Variants in UNC13B observed in about 807,000 individuals in gnomAD.
UNC13B encodes the protein protein unc-13 homolog B.
Under a neutral mutation model 211.0 loss-of-function variants are expected in UNC13B, and 144 were observed. That is an observed-to-expected ratio of 0.68 (90% CI 0.60 to 0.78). The LOEUF (loss-of-function observed/expected upper bound fraction) is 0.78. Ranked by LOEUF, UNC13B falls within the 30% of genes least tolerant of loss-of-function variation. The pLI is 0.00. For synonymous variants in UNC13B, 709 were observed against 725.8 expected (o/e 0.98, Z 0.37); for missense variants, 1,777 against 2,002.0 (o/e 0.89, Z 2.14).
intron 1 of UNC13B, among the ~76,000 whole-genome samples, chr9:35,178,820 G>A (rs999837425): frequency 2.0e-5 from 3 of 149,866 alleles, no homozygotes; most frequent in Non-Finnish European, 3.0e-5. Flanking sequence ...CTTGGGAGGC[G>A]GAGGTTGCAG....
Position 35,310,530 on chromosome 9 carries a change from T to C in UNC13B, c.9072T>C (p.Ser3024=), listed in dbSNP as rs1445854429. Residue 3024 remains serine (S), a synonymous_variant, in exon 10 of 40, where the codon AGT becomes AGC. Coordinates refer to ENST00000635942, the MANE Select transcript of UNC13B (RefSeq NM_001371189.2). ...TGAGTCAAGGAAGCTCTCAGCTAAG[T>C]GAACTAGACCAGTATCACGAACAAG... The part of the protein sequence containing the change: ...CNVSQGSSQL[S]ELDQYHEQDD... 1 of 1,613,986 alleles carries C rather than the reference T, an allele frequency of 6.2e-7. No individual in the cohort carries two copies. The highest frequency in any genetic ancestry group is 2.2e-5 in the East Asian group (1 of 44,888).
intron 9 of UNC13B, among the ~76,000 whole-genome samples, chr9:35,309,261 G>A (rs1234820693): frequency 2.5e-5 from 3 of 119,076 alleles, no homozygotes; most frequent in Non-Finnish European, 5.5e-5. Context: ...GTGTGTGTGT[G>A]TGTATACTTA....
chr9:35,293,954 A>G (rs1016712009), intron 7 of UNC13B, among the ~76,000 whole-genome samples: 3 of 152,164 alleles, frequency 2.0e-5, no homozygotes, highest in African/African-American at 4.8e-5. Context: ...AAACTCAAAT[A>G]GGAAAAGCTC....
At chr9:35,252,862 G>A (rs1332289021) in intron 6 of UNC13B, among the ~76,000 whole-genome samples, 3 of 151,906 alleles carry the variant, frequency 2.0e-5, no homozygotes, top group East Asian at 2.0e-4. Flanking sequence ...CCCAGGAGGC[G>A]GAGCTTGCAG....
At chr9:35,295,602 G>T (rs1829312564) in intron 7 of UNC13B, 94 bp from the exon 8 acceptor site, 2 of 1,224,220 alleles carry the variant, frequency 1.6e-6, no homozygotes, top group East Asian at 4.7e-5. Flanking sequence ...TTGTTCTCAA[G>T]GTCCAGACTT....
intron 22 of UNC13B, chr9:35,385,391 GA>G (rs1325987253): frequency 2.0e-6 from 2 of 985,268 alleles, no homozygotes; most frequent in African/African-American, 3.5e-5. Flanking sequence ...TGGTGTGTAA[GA>G]ATCTTCATCC....
chr9:35,241,056 C>CAAAAAAA (rs10629111), intron 5 of UNC13B, among the ~76,000 whole-genome samples: 13 of 133,182 alleles, frequency 9.8e-5, no homozygotes, highest in African/African-American at 3.1e-4. Context: ...GACTCTGTCT[C>CAAAAAAA]AAAAAAAAAA....
intron 11 of UNC13B, among the ~76,000 whole-genome samples, chr9:35,366,212 A>C (rs1393743962): frequency 6.6e-6 from 1 of 152,238 alleles, no homozygotes; most frequent in Non-Finnish European, 1.5e-5. Flanking sequence ...ACCTTTCTGC[A>C]TGCTGCTTGA....
intron 1 of UNC13B, among the ~76,000 whole-genome samples, chr9:35,199,291 T>G (rs1451644570): frequency 6.6e-6 from 1 of 152,194 alleles, no homozygotes; most frequent in Non-Finnish European, 1.5e-5. Context: ...TGAATAGTGC[T>G]GCAATAAACA....
intron 22 of UNC13B, chr9:35,385,150 C>G: frequency 1.0e-6 from 1 of 985,404 alleles, no homozygotes; most frequent in South Asian, 4.7e-5. Flanking sequence ...CAGCTCCCTC[C>G]TAAGACTCGT....
rs1177018436 is a variant in UNC13B, at chr9:35,301,195, A to G, written c.1791A>G (p.Gln597=). 9 of 398,812 alleles carry G rather than the reference A, an allele frequency of 2.3e-5. No individual in the cohort carries two copies. Among genetic ancestry groups the G allele is most frequent in the South Asian group, 1.3e-4 (1 of 7,854 alleles). 24.7% of individuals were successfully genotyped at this position (398,812 alleles called of 1,614,324 possible). A position where few individuals can be genotyped will look rare whatever the true frequency, so the allele number is the denominator to read the frequency against. ...TATTGGGGAAGGATCTTTCCATGCAATCTCCATTATCCTCTCAAAAAGATG... is the reference window on the plus strand; with the variant it reads ...TATTGGGGAAGGATCTTTCCATGCAGTCTCCATTATCCTCTCAAAAAGATG... The part of the protein sequence containing the change: ...MAVLGKDLSM[Q]SPLSSQKDDN... Residue 597 remains glutamine (Q), a synonymous_variant, in exon 9 of 40, where the codon CAA becomes CAG. Transcript: ENST00000635942.
intron 1 of UNC13B, among the ~76,000 whole-genome samples, chr9:35,177,685 T>C (rs1188915110): frequency 6.6e-6 from 1 of 152,210 alleles, no homozygotes; most frequent in Non-Finnish European, 1.5e-5. Flanking sequence ...TATTGAGCAC[T>C]TAACTATGGG....
Position 35,258,035 on chromosome 9 carries a change from C to T in UNC13B, c.469-958C>T, listed in dbSNP as rs1014486379. 2.6e-5 allele frequency among the ~76,000 whole-genome samples: 4 copies of T among 152,332 alleles called. No homozygotes were observed. The East Asian group carries it at 7.7e-4, about 29-fold the overall frequency. The stretch of plus-strand genomic sequence containing the variant: ...GAATTCTTACCATGATTTACAAATT[C>T]TGTTTTGCCAGTGCCTAGAACAAGG... On this transcript the variant is annotated intron_variant, in intron 6 of 39. Coordinates refer to ENST00000635942, the MANE Select transcript of UNC13B (RefSeq NM_001371189.2).
chr9:35,300,164 A>C lies in UNC13B; in HGVS notation c.762-2A>C, dbSNP rs577691188. On this transcript the variant is annotated splice_acceptor_variant, in intron 8 of 39. Transcript: ENST00000635942. LOFTEE classifies it high-confidence loss of function. ...TAAGGTTGAAACTTCTGTTTTCTCC[A>C]GGTATGCTCAGAAATATGATACACT... 48 of 398,736 alleles carry C rather than the reference A, an allele frequency of 1.2e-4. No homozygotes were observed. The East Asian group carries it at 1.7e-3, about 14-fold the overall frequency. The allele number at this position is 398,736 out of a possible 1,614,324, so 24.7% of individuals were successfully genotyped here.
intron 11 of UNC13B, among the ~76,000 whole-genome samples, chr9:35,347,953 G>A (rs1047302714): frequency 3.3e-5 from 5 of 152,034 alleles, no homozygotes; most frequent in Non-Finnish European, 7.4e-5. Context: ...AGTATGTCTG[G>A]AGGGCTGGGC....
At chr9:35,329,153 G>A (rs1831224665) in intron 11 of UNC13B, among the ~76,000 whole-genome samples, 1 of 152,042 alleles carries the variant, frequency 6.6e-6, no homozygotes, top group Admixed American at 6.5e-5. Context: ...CCTCTCATGG[G>A]CTGAGTTTGT....
At chr9:35,214,295 T>C (rs1824134111) in intron 1 of UNC13B, among the ~76,000 whole-genome samples, 1 of 151,908 alleles carries the variant, frequency 6.6e-6, no homozygotes, top group South Asian at 2.1e-4. Flanking sequence ...GGTGTAGTGG[T>C]GCATGCCTGT....
intron 3 of UNC13B, among the ~76,000 whole-genome samples, chr9:35,235,471 A>T (rs1323267447): frequency 7.4e-6 from 1 of 135,060 alleles, no homozygotes; most frequent in Non-Finnish European, 1.6e-5. Context: ...TTTGGTGGGG[A>T]TGGAGTCTGG....
Position 35,303,553 on chromosome 9 carries a change from A to T in UNC13B, c.4149A>T (p.Arg1383Ser). The T allele has an allele frequency of 2.5e-6, 1 of 398,740 alleles. No individual in the cohort carries two copies. Among genetic ancestry groups the T allele is most frequent in the South Asian group, 1.3e-4 (1 of 7,858 alleles). 24.7% of individuals were successfully genotyped at this position (398,740 alleles called of 1,614,324 possible). ...TTTATTATATGTTAAATCAAAATAG[A>T]TTTCTATCAGCCGATGCTTGCTTGT... ...QPVYYMLNQN[R>S]FLSADACLWL... The change falls in exon 9 of 40, where the codon AGA becomes AGT. Residue 1383 changes from arginine to serine, a missense_variant. Arg to Ser is a moderately radical substitution (Grantham distance 110). Coordinates refer to ENST00000635942, the MANE Select transcript of UNC13B (RefSeq NM_001371189.2).
Sources: allele counts gnomAD v4.1 joint callset (sites outside exome capture counted in the v4.1 genomes callset), GRCh38; gene constraint gnomAD v4.1.1; transcripts MANE v1.5; gene names NCBI Gene and HGNC (gene_info 2026-07-23, HGNC 2026-07-21).